The following TMEM63B variants were observed in gnomAD, a reference collection of about 807,000 sequenced individuals.
The protein encoded by TMEM63B is mechanosensitive cation channel TMEM63B.
A neutral mutation model predicts 102.6 loss-of-function variants in TMEM63B; 23 were observed. The observed-to-expected ratio is 0.22, with a 90% CI of 0.16 to 0.32. The LOEUF is 0.32. TMEM63B is among the 10% of genes least tolerant of loss of function. The probability of loss-of-function intolerance (pLI) is 1.00; values close to 1 mark genes in which losing one functional copy is unlikely to be tolerated. For synonymous variants in TMEM63B, 444 were observed against 437.0 expected, an observed-to-expected ratio of 1.02 and a Z score of -0.20; for missense variants, 628 against 1,095.9, an observed-to-expected ratio of 0.57 and a Z score of 6.03.
At chr6:44,153,550 C>G in intron 20 of TMEM63B, 126 bp from the exon 21 acceptor site, 1 of 1,143,622 alleles carries the variant, frequency 8.7e-7, no homozygotes, top group South Asian at 1.6e-5. Flanking sequence ...CTATCCCGTC[C>G]TGGGGCCCGG....
chr6:44,139,798 A>T (rs1763858986), intron 8 of TMEM63B, 39 bp downstream of exon 8: 2 of 1,613,420 alleles, frequency 1.2e-6, no homozygotes, highest in Non-Finnish European at 1.7e-6. Flanking sequence ...AAGGTCTACG[A>T]CCAGAGTCTG....
chr6:44,146,698 G>A (rs746168095), intron 10 of TMEM63B, 149 bp from the exon 11 acceptor site: 26 of 747,830 alleles, frequency 3.5e-5, no homozygotes, highest in East Asian at 5.8e-5. Context: ...TGATCCTCCC[G>A]CTTCGGCCCC....
rs569692692 is a variant in TMEM63B, at chr6:44,134,204, C to G, written c.-24-357C>G. Among the ~76,000 whole-genome samples the G allele has an allele frequency of 5.9e-5, 9 of 152,280 alleles. No homozygotes were observed. In the South Asian group the frequency reaches 1.2e-3, roughly 21 times the overall value. On this transcript the variant is annotated intron_variant, in intron 1 of 23. Transcript: ENST00000323267. The stretch of plus-strand genomic sequence containing the variant: ...CTGTCTTCCCAGGCTCAGCTCCGCC[C>G]CCTGCCCTAAGACAGAGAGAATGAG...
intron 10 of TMEM63B, among the ~76,000 whole-genome samples, chr6:44,142,296 G>A (rs1182841116): frequency 6.6e-6 from 1 of 151,072 alleles, no homozygotes; most frequent in Non-Finnish European, 1.5e-5. Flanking sequence ...AATCATTGAG[G>A]GCCGGGAGTT....
chr6:44,148,159 C>T lies in TMEM63B; in HGVS notation c.988-93C>T, dbSNP rs574007092. On this transcript the variant is annotated intron_variant, in intron 12 of 23. Transcript: ENST00000323267. This position sits in a 1 kb window ranked among gnomAD's most constrained non-coding sequence, Gnocchi z 5.1. ...AAATGCTTAGAGGAGCAGTGCCTGG[C>T]TTGTAGGAAGCCCCAAGTCAGCGTG... 672 of 1,550,350 alleles carry T rather than the reference C, an allele frequency of 4.3e-4. No homozygotes were observed. Among genetic ancestry groups the T allele is most frequent in the Non-Finnish European group, 5.4e-4 (619 of 1,150,458 alleles).
Position 44,148,350 on chromosome 6 carries a change from CTT to C in TMEM63B, c.1088_1089del (p.Phe363CysfsTer6). ...KVNEKPLGMAFVTFHNETITA... is the reference protein window; with the variant it reads ...KVNEKPLGMAXVTFHNETITA... ...TGAATGAGAAGCCTCTTGGCATGGCCTTTGTCACCTTCCACAATGAGACTATC... is the reference window on the plus strand; with the variant it reads ...TGAATGAGAAGCCTCTTGGCATGGCCTGTCACCTTCCACAATGAGACTATC... On this transcript the variant is annotated frameshift_variant, in exon 13 of 24. Coordinates refer to ENST00000323267, the MANE Select transcript of TMEM63B (RefSeq NM_018426.3). LOFTEE classifies it high-confidence loss of function. The surrounding 1 kb of genome is among the most constrained non-coding windows in gnomAD (Gnocchi z 5.1). 1 of 1,614,250 alleles carries C rather than the reference CTT, an allele frequency of 6.2e-7. No individual in the cohort carries two copies. Among genetic ancestry groups the C allele is most frequent in the Non-Finnish European group, 8.5e-7 (1 of 1,180,046 alleles).
At chr6:44,137,010 A>G (rs1405162944) in intron 5 of TMEM63B, among the ~76,000 whole-genome samples, 4 of 152,238 alleles carry the variant, frequency 2.6e-5, no homozygotes, top group Admixed American at 2.0e-4. Context: ...GCGCCACTGC[A>G]CTCTAGCCTG....
Position 44,155,427 on chromosome 6 carries a change from C to T in TMEM63B, c.*544C>T, listed in dbSNP as rs1767846246. On this transcript the variant is annotated 3_prime_UTR_variant, in exon 24 of 24. Coordinates refer to ENST00000323267, the MANE Select transcript of TMEM63B (RefSeq NM_018426.3). ...TGGGGGTGGGGGTGGGCAAGGCTGA[C>T]ACTGGAAAATGGGTTTTTGCACTGT... The T allele has an allele frequency of 6.6e-6, 1 of 150,764 alleles. No individual in the cohort carries two copies. The highest frequency in any genetic ancestry group is 2.1e-4 in the South Asian group (1 of 4,784). 9.3% of individuals were successfully genotyped at this position (150,764 alleles called of 1,614,324 possible). A position where few individuals can be genotyped will look rare whatever the true frequency, so the allele number is the denominator to read the frequency against.
intron 10 of TMEM63B, among the ~76,000 whole-genome samples, chr6:44,143,745 T>C (rs556033395): frequency 2.6e-5 from 4 of 152,106 alleles, no homozygotes; most frequent in African/African-American, 9.6e-5. Flanking sequence ...AGAGACTGTG[T>C]CAAGAAGAGG....
chr6:44,139,122 C>CT (rs1381788470), intron 6 of TMEM63B, among the ~76,000 whole-genome samples: 1 of 152,182 alleles, frequency 6.6e-6, no homozygotes, highest in African/African-American at 2.4e-5. Context: ...AGATATTTCT[C>CT]TTTTTTCTTC....
chr6:44,154,203 T>A lies in TMEM63B; in HGVS notation c.2226+15T>A. 1 of 1,612,638 alleles carries A rather than the reference T, an allele frequency of 6.2e-7. No homozygotes were observed. The highest frequency in any genetic ancestry group is 8.5e-7 in the Non-Finnish European group (1 of 1,178,730). ...ACAACTACAAGGTGTGGGGCAAGGG[T>A]GGCAGGCGGATGGCTGCGGGCAGGA... is the stretch of plus-strand genomic sequence containing the variant. On this transcript the variant is annotated intron_variant, in intron 22 of 23. Transcript: ENST00000323267.
rs763453577 is a variant in TMEM63B at position 44,152,016 on chromosome 6, C to A, written c.1836+8C>A. The A allele has an allele frequency of 5.6e-6, 9 of 1,597,306 alleles. No individual in the cohort carries two copies. Among genetic ancestry groups the A allele is most frequent in the Non-Finnish European group, 7.7e-6 (9 of 1,173,110 alleles). ...AGGCGCAACGTGAAGCGGGTACGGC[C>A]GCCTGGGGCAGCAGCGGCCCGCACA... On this transcript the variant is annotated splice_region_variant and intron_variant, in intron 19 of 23. Transcript: ENST00000323267. This position sits in a 1 kb window ranked among gnomAD's most constrained non-coding sequence, Gnocchi z 6.4.
chr6:44,131,931 C>T (rs568312516), intron 1 of TMEM63B, among the ~76,000 whole-genome samples: 26 of 152,338 alleles, frequency 1.7e-4, no homozygotes, highest in African/African-American at 6.0e-4. Context: ...GGAAGAACTG[C>T]CACCTCCCAT....
chr6:44,151,698 G>A, intron 18 of TMEM63B, 148 bp from the exon 19 acceptor site: 3 of 902,366 alleles, frequency 3.3e-6, no homozygotes, highest in Non-Finnish European at 5.1e-6. Context: ...GGGGAACAGG[G>A]CACAGGTGCT....
At chr6:44,134,984 T>C in intron 2 of TMEM63B, 33 bp from the exon 3 acceptor site, 1 of 1,611,994 alleles carries the variant, frequency 6.2e-7, no homozygotes, top group South Asian at 1.1e-5. Context: ...ACAGACAGCC[T>C]CTGCACTTGC....
chr6:44,138,539 T>C, intron 6 of TMEM63B, 22 bp downstream of exon 6: 1 of 1,613,844 alleles, frequency 6.2e-7, no homozygotes, highest in Non-Finnish European at 8.5e-7. Flanking sequence ...ATCTTCAAGC[T>C]CTAAAGAAAG....
Position 44,155,075 on chromosome 6 carries a change from G to A in TMEM63B, c.*192G>A. 1.9e-6 allele frequency: 1 copy of A among 529,638 alleles called. No homozygotes were observed. Among genetic ancestry groups the A allele is most frequent in the South Asian group, 3.8e-5 (1 of 26,124 alleles). The allele number at this position is 529,638 out of a possible 1,614,324, so 32.8% of individuals were successfully genotyped here. On this transcript the variant is annotated 3_prime_UTR_variant, in exon 24 of 24. Coordinates refer to ENST00000323267, the MANE Select transcript of TMEM63B (RefSeq NM_018426.3). ...GGAGGGAGCCCCCCAACCTCAGTGA[G>A]GAGAGCCCCGAGCCGGCCCCGGGGC... is the stretch of plus-strand genomic sequence containing the variant.
In TMEM63B at chr6:44,148,499, G is replaced by GC. The variant is rs1765893237; in HGVS notation, c.1122-11dup. ...TCCAGGTGGGCCTGTGGTAACCAGTGCCCATCTTTCTAGCATCCTGAAGGA... is the reference window on the plus strand; with the variant it reads ...TCCAGGTGGGCCTGTGGTAACCAGTGCCCCATCTTTCTAGCATCCTGAAGGA... On this transcript the variant is annotated splice_polypyrimidine_tract_variant and intron_variant, in intron 13 of 23. Coordinates refer to ENST00000323267, the MANE Select transcript of TMEM63B (RefSeq NM_018426.3). The surrounding 1 kb of genome is among the most constrained non-coding windows in gnomAD (Gnocchi z 5.1). The GC allele has an allele frequency of 1.2e-6, 2 of 1,613,578 alleles. No individual in the cohort carries two copies. Among genetic ancestry groups the GC allele is most frequent in the Non-Finnish European group, 1.7e-6 (2 of 1,179,752 alleles).
In TMEM63B at chr6:44,148,166, G is replaced by A. The variant is rs148948079; in HGVS notation, c.988-86G>A. ...TAGAGGAGCAGTGCCTGGCTTGTAG[G>A]AAGCCCCAAGTCAGCGTGGGCTGGA... On this transcript the variant is annotated intron_variant, in intron 12 of 23. Coordinates refer to ENST00000323267, the MANE Select transcript of TMEM63B (RefSeq NM_018426.3). This position sits in a 1 kb window ranked among gnomAD's most constrained non-coding sequence, Gnocchi z 5.1. The A allele has an allele frequency of 4.2e-4, 652 of 1,558,446 alleles. 4 individuals are homozygous for A. In the African/African-American group the frequency reaches 8.2e-3, roughly 20 times the overall value.
Sources: gnomAD v4.1 joint callset for allele counts (sites outside exome capture counted in the v4.1 genomes callset) on GRCh38, gnomAD v4.1.1 for gene constraint, Gnocchi (gnomAD v3.1) non-coding constraint, MANE v1.5 for transcripts, NCBI Gene and HGNC (gene_info 2026-07-23, HGNC 2026-07-21) for gene names.